NTAN1: variants seen among roughly 807,000 people sequenced by gnomAD.
The protein encoded by NTAN1 is protein N-terminal asparagine amidohydrolase.
In NTAN1, 32 loss-of-function variants were observed where a neutral mutation model predicts 41.9. That is an observed-to-expected ratio of 0.76 (90% CI 0.58 to 1.03). The LOEUF (loss-of-function observed/expected upper bound fraction) is 1.03, where lower values mean the gene tolerates loss of function less well. Among genes scored for constraint, NTAN1 ranks in the 50% least tolerant of loss-of-function variants. The pLI is 0.00. For synonymous variants in NTAN1, 140 were observed against 139.5 expected, an observed-to-expected ratio of 1.00 and a Z score of -0.03; for missense variants, 377 against 377.5, an observed-to-expected ratio of 1.00 and a Z score of 0.01.
At chr16:15,045,617 C>CA (rs2044026692) in intron 4 of NTAN1, 2 of 152,408 alleles carry the variant, frequency 1.3e-5, no homozygotes, top group African/African-American at 2.4e-5. Context: ...AAAACAAAAA[C>CA]AAAACAAAAC....
chr16:15,038,073 A>G lies in NTAN1; in HGVS notation c.891T>C (p.Asn297=). ...SGNKALLYKK[N]EDGLWEKISS... Reference sequence around the variant, plus strand: ...AGATCTTTTCCCACAAGCCATCTTCATTTTTTTTGTAGAGTAGGGCTTTAT... The same window carrying G: ...AGATCTTTTCCCACAAGCCATCTTCGTTTTTTTTGTAGAGTAGGGCTTTAT... The change falls in exon 10 of 10, where the codon AAT becomes AAC. Residue 297 remains asparagine (N), a synonymous_variant. Transcript: ENST00000287706. 2 of 1,603,366 alleles carry G rather than the reference A, an allele frequency of 1.2e-6. No homozygotes were observed. Among genetic ancestry groups the G allele is most frequent in the East Asian group, 2.2e-5 (1 of 44,698 alleles).
At chr16:15,046,483 G>A (rs565813367) in intron 4 of NTAN1, among the ~76,000 whole-genome samples, 2 of 152,102 alleles carry the variant, frequency 1.3e-5, no homozygotes, top group African/African-American at 2.4e-5. Context: ...TCAGTTGCCC[G>A]TCTCTGTCAA....
At chr16:15,054,134 C>T (rs921545654) in intron 1 of NTAN1, among the ~76,000 whole-genome samples, 1 of 152,220 alleles carries the variant, frequency 6.6e-6, no homozygotes, top group African/African-American at 2.4e-5. Flanking sequence ...CTGCCCGCCG[C>T]GCCCCAGGCG....
chr16:15,043,498 C>T (rs151105040), intron 5 of NTAN1, among the ~76,000 whole-genome samples: 7 of 152,292 alleles, frequency 4.6e-5, no homozygotes, highest in African/African-American at 1.2e-4. Context: ...GCCATGATGG[C>T]GCCACTGCAC....
Position 15,040,023 on chromosome 16 carries a change from T to G in NTAN1, c.585A>C (p.Gln195His). 1 of 1,612,244 alleles carries G rather than the reference T, an allele frequency of 6.2e-7. No homozygotes were observed. Among genetic ancestry groups the G allele is most frequent in the Admixed American group, 1.7e-5 (1 of 59,948 alleles). Residue 195 changes from glutamine (Q) to histidine (H), a missense_variant, in exon 8 of 10, where the codon CAA (glutamine) becomes CAC (histidine). By Grantham distance (24) the Gln-to-His change is conservative. Transcript: ENST00000287706. ...KTAEIYRASF[Q>H]DRGPEEQLRA... ...GAAGCTGCTCCTCCGGACCCCGATC[T>G]TGAAAGGATGCTCTGTAAATCTCTG...
chr16:15,053,039 CATT>C (rs1484709378), intron 1 of NTAN1, among the ~76,000 whole-genome samples: 5 of 152,182 alleles, frequency 3.3e-5, no homozygotes, highest in African/African-American at 1.2e-4. Context: ...CACACTGTCT[CATT>C]AGTAGCCATG....
chr16:15,046,165 G>C (rs1020456692), intron 4 of NTAN1: 1 of 152,336 alleles, frequency 6.6e-6, no homozygotes, highest in Admixed American at 6.5e-5. Flanking sequence ...CATGGGTCAC[G>C]TGTCCATGAA....
intron 4 of NTAN1, among the ~76,000 whole-genome samples, chr16:15,046,421 GCCTGTGTCGTCGGCCTCCACCTAGCT>G (rs1340133993): frequency 6.6e-6 from 1 of 152,142 alleles, no homozygotes; most frequent in Non-Finnish European, 1.5e-5. Flanking sequence ...TTGACAGCAG[GCCTGTGTCGTCGGCCTCCACCTAGCT>G]CCTGTGTGCT....
At chr16:15,049,578 G>A (rs536187106) in intron 1 of NTAN1, among the ~76,000 whole-genome samples, 16 of 152,138 alleles carry the variant, frequency 1.1e-4, no homozygotes, top group South Asian at 2.1e-4. Flanking sequence ...ACAGGTGTGC[G>A]CCACCATGCC....
At position 15,047,563 on chromosome 16, in the gene NTAN1, G is replaced by A; in HGVS notation, c.251-13C>T. The A allele has an allele frequency of 6.3e-7, 1 of 1,587,270 alleles. No homozygotes were observed. Among genetic ancestry groups the A allele is most frequent in the Non-Finnish European group, 8.7e-7 (1 of 1,155,542 alleles). On this transcript the variant is annotated splice_polypyrimidine_tract_variant and intron_variant, in intron 3 of 9. Coordinates refer to ENST00000287706, the MANE Select transcript of NTAN1 (RefSeq NM_173474.4). ...GTGGCCCCATTACCTGAAGAACAAG[G>A]GTGAAAGGACTCAAGTTATTCCCTG...
intron 5 of NTAN1, 27 bp from the exon 6 acceptor site, chr16:15,041,703 G>A (rs374878101): frequency 1.2e-5 from 19 of 1,558,558 alleles, no homozygotes; most frequent in South Asian, 3.3e-5. Context: ...AAGACCAGAA[G>A]TCAGAAAAGT....
intron 7 of NTAN1, chr16:15,040,477 C>T (rs1416129021): frequency 5.5e-6 from 1 of 181,800 alleles, no homozygotes; most frequent in Admixed American, 5.7e-5. Context: ...GAACAGTGAA[C>T]ACTGTGTACC....
At chr16:15,048,732 TACC>T (rs2044179568) in intron 1 of NTAN1, among the ~76,000 whole-genome samples, 1 of 152,154 alleles carries the variant, frequency 6.6e-6, no homozygotes, top group African/African-American at 2.4e-5. Flanking sequence ...CAAGCGATCC[TACC>T]ACCTTAGCCT....
chr16:15,055,049 G>A (rs559982402), intron 1 of NTAN1, among the ~76,000 whole-genome samples: 1 of 152,208 alleles, frequency 6.6e-6, no homozygotes, highest in South Asian at 2.1e-4. Flanking sequence ...AACACTCCGA[G>A]GGCAGGGACA....
chr16:15,048,973 G>A (rs972688927), intron 1 of NTAN1, among the ~76,000 whole-genome samples: 2 of 145,742 alleles, frequency 1.4e-5, no homozygotes, highest in Non-Finnish European at 3.0e-5. Context: ...TGCCCAGGCT[G>A]GTCTCAAACT....
At chr16:15,040,569 G>T in intron 7 of NTAN1, 1 of 172,320 alleles carries the variant, frequency 5.8e-6, no homozygotes, top group South Asian at 1.7e-4. Flanking sequence ...TGCCTTTTCC[G>T]CGGGAGTCCT....
chr16:15,048,564 C>T (rs147429551), intron 1 of NTAN1, among the ~76,000 whole-genome samples: 24 of 152,046 alleles, frequency 1.6e-4, no homozygotes, highest in African/African-American at 5.8e-4. Flanking sequence ...AACAATTTTA[C>T]CATTGTAAAG....
intron 1 of NTAN1, among the ~76,000 whole-genome samples, chr16:15,051,785 C>T (rs1335195125): frequency 6.8e-6 from 1 of 148,044 alleles, no homozygotes; most frequent in Non-Finnish European, 1.5e-5. Flanking sequence ...ACTGCAACCT[C>T]AAACTCCTGG....
chr16:15,050,281 T>C (rs1427590878), intron 1 of NTAN1, among the ~76,000 whole-genome samples: 2 of 152,212 alleles, frequency 1.3e-5, no homozygotes, highest in Non-Finnish European at 2.9e-5. Context: ...CCTTCTTACT[T>C]GCAACAAACT....
Sources: gnomAD v4.1 joint callset for allele counts (sites outside exome capture counted in the v4.1 genomes callset) on GRCh38, gnomAD v4.1.1 for gene constraint, MANE v1.5 for transcripts, NCBI Gene and HGNC (gene_info 2026-07-23, HGNC 2026-07-21) for gene names.